VGLL4: variants seen among roughly 807,000 people sequenced by gnomAD.
The protein encoded by VGLL4 is transcription cofactor vestigial-like protein 4.
A neutral mutation model predicts 21.0 loss-of-function variants in VGLL4; 7 were observed. The observed-to-expected ratio is 0.33, with a 90% CI of 0.19 to 0.63. The LOEUF (loss-of-function observed/expected upper bound fraction) is 0.63. Ranked by LOEUF, VGLL4 falls within the 20% of genes least tolerant of loss-of-function variation. The probability of loss-of-function intolerance (pLI) is 0.78; values close to 1 mark genes in which losing one functional copy is unlikely to be tolerated. For synonymous variants in VGLL4, 222 were observed against 173.2 expected, an observed-to-expected ratio of 1.28 and a Z score of -2.21; for missense variants, 394 against 425.7, an observed-to-expected ratio of 0.93 and a Z score of 0.66.
chr3:11,579,706 C>G lies in VGLL4; in HGVS notation c.273-14687G>C, dbSNP rs142010677. Among the ~76,000 whole-genome samples, 99 of 152,236 alleles carry G rather than the reference C, an allele frequency of 6.5e-4. 1 individual carries two copies. The East Asian group carries it at 0.015, about 24-fold the overall frequency. On this transcript the variant is annotated intron_variant, in intron 2 of 4. Transcript: ENST00000430365. ...GAGAATTCAGAAGCACCCTCCCCCC[C>G]AAGTTTCATGCACCCCAAGTTTCAT...
At chr3:11,579,168 G>A (rs1363953871) in intron 2 of VGLL4, among the ~76,000 whole-genome samples, 3 of 148,324 alleles carry the variant, frequency 2.0e-5, no homozygotes, top group Non-Finnish European at 3.0e-5. Context: ...TCAGGGCTAC[G>A]CTCCATCTTT....
chr3:11,570,809 A>C (rs1385218415), intron 2 of VGLL4, among the ~76,000 whole-genome samples: 3 of 152,022 alleles, frequency 2.0e-5, no homozygotes, highest in Non-Finnish European at 4.4e-5. Context: ...CCTGCTTCTA[A>C]ATGTCCCCGA....
exon 1 of VGLL4, chr3:11,720,744 T>G (rs1236225487): frequency 6.6e-6 from 1 of 152,370 alleles, no homozygotes; most frequent in African/African-American, 2.4e-5. Flanking sequence ...TGCTCTGAAA[T>G]GTGCCCGGGG....
At chr3:11,581,000 TAC>T (rs2074207597) in intron 2 of VGLL4, among the ~76,000 whole-genome samples, 1 of 151,968 alleles carries the variant, frequency 6.6e-6, no homozygotes, top group African/African-American at 2.4e-5. Flanking sequence ...AACATTGGTG[TAC>T]AGTGTTACAA....
intron 2 of VGLL4, among the ~76,000 whole-genome samples, chr3:11,661,342 G>T (rs928690303): frequency 6.6e-6 from 1 of 152,092 alleles, no homozygotes; most frequent in African/African-American, 2.4e-5. Context: ...GGAAGGAAAG[G>T]AATATTGCCA....
In VGLL4 at chr3:11,665,101, C is replaced by CTTTTTT. The variant is rs59999510; in HGVS notation, c.64+37864_64+37869dup. Among the ~76,000 whole-genome samples, 395 of 96,936 alleles carry CTTTTTT rather than the reference C, an allele frequency of 4.1e-3. 60 individuals are homozygous for CTTTTTT. The highest frequency in any genetic ancestry group is 0.014 in the African/African-American group (297 of 20,488). 63.6% of individuals were successfully genotyped at this position (96,936 alleles called of 152,430 possible). The stretch of plus-strand genomic sequence containing the variant: ...AAATGAAAGCAATTTGAATATTTTT[C>CTTTTTT]TTTTTTTTTTTTTTTTTTTTTTTTT... On this transcript the variant is annotated intron_variant, in intron 2 of 5. Coordinates refer to the VGLL4 transcript ENST00000273038.
At chr3:11,618,463 T>C (rs994634291) in intron 1 of VGLL4, among the ~76,000 whole-genome samples, 7 of 152,208 alleles carry the variant, frequency 4.6e-5, no homozygotes, top group African/African-American at 1.7e-4. Context: ...AGTAATTAAA[T>C]ACCAAAATGT....
chr3:11,651,347 AAAG>A (rs1483800844), intron 2 of VGLL4, among the ~76,000 whole-genome samples: 7 of 151,876 alleles, frequency 4.6e-5, no homozygotes, highest in South Asian at 2.1e-4. Flanking sequence ...AAAAAAAAAA[AAAG>A]AAAGAAAGAA....
At chr3:11,701,852 C>A (rs1283578489) in intron 2 of VGLL4, among the ~76,000 whole-genome samples, 2 of 152,188 alleles carry the variant, frequency 1.3e-5, no homozygotes, top group East Asian at 1.9e-4. Context: ...AGAAAAAGAA[C>A]TGTTCCTACA....
At position 11,565,125 on chromosome 3, in the gene VGLL4, G is replaced by A. The variant is rs1022744040; in HGVS notation, c.273-106C>T. ...TGCTTATTTAATTTTTTACCCTGAA[G>A]CTCAGGTCGTGTGGCTGGGCAGCAC... On this transcript the variant is annotated intron_variant, in intron 2 of 4. Transcript: ENST00000430365. The surrounding 1 kb of genome is among the most constrained non-coding windows in gnomAD (Gnocchi z 4.1). The A allele has an allele frequency of 2.6e-6, 3 of 1,146,432 alleles. No homozygotes were observed. Among genetic ancestry groups the A allele is most frequent in the Middle Eastern group, 2.2e-4 (1 of 4,458 alleles). The allele number at this position is 1,146,432 out of a possible 1,614,324, so 71.0% of individuals were successfully genotyped here.
chr3:11,562,471 C>G (rs2125117712), intron 3 of VGLL4, among the ~76,000 whole-genome samples: 1 of 152,300 alleles, frequency 6.6e-6, no homozygotes, highest in South Asian at 2.1e-4. Flanking sequence ...CAGAGCTTTG[C>G]TGTCACCCCA....
chr3:11,596,579 G>C (rs952318150), intron 2 of VGLL4, among the ~76,000 whole-genome samples: 2 of 152,116 alleles, frequency 1.3e-5, no homozygotes, highest in Admixed American at 1.3e-4. Flanking sequence ...GCATCGCCAG[G>C]AACTCATTAT....
chr3:11,561,868 C>A (rs904653961), intron 3 of VGLL4, among the ~76,000 whole-genome samples: 1 of 151,672 alleles, frequency 6.6e-6, no homozygotes, highest in Non-Finnish European at 1.5e-5. Context: ...CTGAAAGCAA[C>A]CCCCAAGGCT....
chr3:11,685,736 A>G (rs555415835), intron 2 of VGLL4, among the ~76,000 whole-genome samples: 72 of 152,224 alleles, frequency 4.7e-4, no homozygotes, highest in Non-Finnish European at 9.8e-4. Context: ...TTACAACTCA[A>G]CAACAGAAAG....
At position 11,559,381 on chromosome 3, in the gene VGLL4, G is replaced by A. The variant is rs1396394290; in HGVS notation, c.570C>T (p.His190=). ...NCNLSHCPIA[H]SGCAAPGPAS... ...CAGGCCCGGGCGCGGCACAGCCGCT[G>A]TGCGCGATGGGGCAGTGCGAGAGGT... Residue 190 remains histidine, a synonymous_variant, in exon 4 of 5, where the codon CAC becomes CAT. Coordinates refer to ENST00000430365, the MANE Select transcript of VGLL4 (RefSeq NM_001128219.3). 6.4e-7 allele frequency: 1 copy of A among 1,556,118 alleles called. No homozygotes were observed. Among genetic ancestry groups the A allele is most frequent in the Non-Finnish European group, 8.7e-7 (1 of 1,150,562 alleles).
intron 1 of VGLL4, among the ~76,000 whole-genome samples, chr3:11,607,731 G>A (rs995009294): frequency 3.9e-5 from 6 of 152,072 alleles, no homozygotes; most frequent in African/African-American, 1.2e-4. Flanking sequence ...ACAGGCATTT[G>A]TGAATTTCCC....
chr3:11,677,559 G>A (rs1160133002), intron 2 of VGLL4, among the ~76,000 whole-genome samples: 1 of 152,118 alleles, frequency 6.6e-6, no homozygotes, highest in Non-Finnish European at 1.5e-5. Flanking sequence ...ACAGACATGA[G>A]CCACCGCACC....
chr3:11,590,627 T>C (rs1027669415), intron 2 of VGLL4, among the ~76,000 whole-genome samples: 4 of 151,892 alleles, frequency 2.6e-5, no homozygotes, highest in African/African-American at 9.7e-5. Context: ...CTAATTATGT[T>C]TTGGAGACAA....
Position 11,565,070 on chromosome 3 carries a change from G to T in VGLL4, c.273-51C>A. On this transcript the variant is annotated intron_variant, in intron 2 of 4. Transcript: ENST00000430365. The surrounding 1 kb of genome is among the most constrained non-coding windows in gnomAD (Gnocchi z 4.1). ...GGGGCGTTTTCTCAAAGGCAAAGGG[G>T]ACAGTGACTGTGCGCCAGGCACTCC... The T allele has an allele frequency of 1.4e-6, 2 of 1,429,218 alleles. No individual in the cohort carries two copies. The highest frequency in any genetic ancestry group is 9.2e-7 in the Non-Finnish European group (1 of 1,083,388). The allele number at this position is 1,429,218 out of a possible 1,614,324, so 88.5% of individuals were successfully genotyped here.
Sources: allele counts gnomAD v4.1 joint callset (sites outside exome capture counted in the v4.1 genomes callset), GRCh38; gene constraint gnomAD v4.1.1; non-coding constraint Gnocchi (gnomAD v3.1); transcripts MANE v1.5; gene names NCBI Gene and HGNC (gene_info 2026-07-23, HGNC 2026-07-21).